Variants in NCOA2 observed in about 807,000 individuals in gnomAD.
NCOA2 encodes class E basic helix-loop-helix protein 75.
NCOA2 carries 21 observed loss-of-function variants against 145.1 expected under a neutral mutation model. The observed-to-expected ratio is 0.14, with a 90% confidence interval of 0.10 to 0.21. The LOEUF (loss-of-function observed/expected upper bound fraction) is 0.21, where lower values mean the gene tolerates loss of function less well. NCOA2 is among the 10% of genes least tolerant of loss of function. The pLI is 1.00. For missense variants in NCOA2, 1,472 were observed against 1,837.6 expected, an observed-to-expected ratio of 0.80 and a Z score of 3.64; for synonymous variants, 619 against 637.5, an observed-to-expected ratio of 0.97 and a Z score of 0.44.
intron 1 of NCOA2, among the ~76,000 whole-genome samples, chr8:70,398,233 G>A (rs1373484019): frequency 1.3e-5 from 2 of 152,280 alleles, no homozygotes; most frequent in Admixed American, 6.5e-5. Context: ...CAAGGGGAGA[G>A]GATCGCCTGA....
At chr8:70,358,163 T>C (rs558621477) in intron 1 of NCOA2, among the ~76,000 whole-genome samples, 28 of 152,326 alleles carry the variant, frequency 1.8e-4, no homozygotes, top group African/African-American at 6.3e-4. Flanking sequence ...GGAGACTTAA[T>C]ACTGTTAAAA....
At chr8:70,320,996 A>C (rs1806006698) in intron 1 of NCOA2, among the ~76,000 whole-genome samples, 1 of 152,210 alleles carries the variant, frequency 6.6e-6, no homozygotes. Context: ...ACTATTTCGC[A>C]GTGACCTGTG....
chr8:70,170,424 C>T (rs1373482204), intron 5 of NCOA2, 45 bp from the exon 6 acceptor site: 28 of 1,432,328 alleles, frequency 2.0e-5, no homozygotes, highest in Non-Finnish European at 2.6e-5. Context: ...TGCAACATAA[C>T]ATCACATGCA....
At chr8:70,343,513 A>G (rs1340454945) in intron 1 of NCOA2, among the ~76,000 whole-genome samples, 3 of 152,056 alleles carry the variant, frequency 2.0e-5, no homozygotes, top group East Asian at 1.9e-4. Flanking sequence ...ATTCAGAGTT[A>G]AGGAAAAGTG....
intron 1 of NCOA2, among the ~76,000 whole-genome samples, chr8:70,310,210 G>A (rs977575164): frequency 1.8e-4 from 28 of 151,544 alleles, no homozygotes; most frequent in African/African-American, 5.1e-4. Context: ...GGTATGGTGC[G>A]GGGGGTGCCT....
At chr8:70,456,361 G>A in the NCOA2 span, among the ~76,000 whole-genome samples, 6 of 152,168 alleles carry the variant, frequency 3.9e-5, no homozygotes, top group African/African-American at 1.4e-4. Flanking sequence ...GTGGAAAGTG[G>A]TCTTGAGATA....
intron 2 of NCOA2, among the ~76,000 whole-genome samples, chr8:70,277,884 T>C (rs1479859741): frequency 6.6e-6 from 1 of 152,130 alleles, no homozygotes; most frequent in East Asian, 1.9e-4. Flanking sequence ...CATATTCATA[T>C]CTTTATAATA....
At chr8:70,261,952 T>G (rs2135070425) in intron 2 of NCOA2, among the ~76,000 whole-genome samples, 1 of 152,220 alleles carries the variant, frequency 6.6e-6, no homozygotes, top group Admixed American at 6.5e-5. Context: ...GCGAATATGA[T>G]GGCCAACCAC....
chr8:70,220,505 G>A (rs1820044063), intron 2 of NCOA2, among the ~76,000 whole-genome samples: 1 of 152,146 alleles, frequency 6.6e-6, no homozygotes, highest in South Asian at 2.1e-4. Context: ...TACATCCCTT[G>A]ATATCAGCTT....
chr8:70,140,484 G>T (rs1314439396), intron 14 of NCOA2, among the ~76,000 whole-genome samples: 1 of 151,618 alleles, frequency 6.6e-6, no homozygotes, highest in Non-Finnish European at 1.5e-5. Context: ...TGAGGGCCTG[G>T]GATAGTCTGA....
chr8:70,369,780 G>A (rs1237718456), intron 1 of NCOA2, among the ~76,000 whole-genome samples: 5 of 152,042 alleles, frequency 3.3e-5, no homozygotes, highest in African/African-American at 1.2e-4. Context: ...GCACATAGTA[G>A]ATTTTTCTGT....
rs1285110364 is a variant in NCOA2, at chr8:70,396,470, T to TTC, written c.-77+7228_-77+7229dup. Among the ~76,000 whole-genome samples, 15 of 152,310 alleles carry TTC rather than the reference T, an allele frequency of 9.8e-5. No individual in the cohort carries two copies. In the East Asian group the frequency reaches 2.9e-3, roughly 29 times the overall value. On this transcript the variant is annotated intron_variant, in intron 1 of 22. Transcript: ENST00000452400. ...GGTAAGAGAGCTAACAAGAACAGGG[T>TTC]TCTACCTCTCAATGCTACAGTAAGA...
chr8:70,259,685 TAG>T (rs1823948763), intron 2 of NCOA2, among the ~76,000 whole-genome samples: 1 of 152,214 alleles, frequency 6.6e-6, no homozygotes, highest in Non-Finnish European at 1.5e-5. Context: ...AAATAGAATT[TAG>T]AGTCTTAGAC....
chr8:70,402,712 GGAGAGAAGGGGGC>G (rs1291181998), intron 1 of NCOA2: 4 of 152,178 alleles, frequency 2.6e-5, no homozygotes, highest in African/African-American at 7.2e-5. Flanking sequence ...CTTCAGGGGC[GGAGAGAAGGGGGC>G]GAGAAAAGGG....
chr8:70,257,890 AAAAG>A (rs1413841313), intron 2 of NCOA2, among the ~76,000 whole-genome samples: 6 of 151,686 alleles, frequency 4.0e-5, no homozygotes, highest in Admixed American at 2.6e-4. Context: ...CAAAAAAAAA[AAAAG>A]AAAGATGAGC....
intron 1 of NCOA2, among the ~76,000 whole-genome samples, chr8:70,354,712 A>C (rs541521028): frequency 2.6e-5 from 4 of 151,890 alleles, no homozygotes; most frequent in African/African-American, 9.6e-5. Flanking sequence ...ACTAATATTA[A>C]GAGTTTAATA....
intron 2 of NCOA2, among the ~76,000 whole-genome samples, chr8:70,286,062 G>T (rs1267848020): frequency 6.6e-6 from 1 of 152,102 alleles, no homozygotes; most frequent in East Asian, 1.9e-4. Flanking sequence ...GCAGAATGTA[G>T]GTATGCAAGA....
chr8:70,404,878 G>GA (rs60303975), upstream of NCOA2, among the ~76,000 whole-genome samples: 158 of 148,032 alleles, frequency 1.1e-3, no homozygotes, highest in Admixed American at 1.7e-3. Flanking sequence ...GTAATTAGTT[G>GA]AAAAAAAAAA....
Position 70,124,034 on chromosome 8 carries a change from G to A in NCOA2, c.4143C>T (p.Thr1381=). 1.9e-6 allele frequency: 3 copies of A among 1,613,920 alleles called. No homozygotes were observed. Among genetic ancestry groups the A allele is most frequent in the Non-Finnish European group, 2.5e-6 (3 of 1,179,846 alleles). Reference sequence around the variant, plus strand: ...TGTTCATGTTGTTACTGTACATGCTGGTGTTTGCTTGCTGCCCAAAGTGTG... The same window carrying A: ...TGTTCATGTTGTTACTGTACATGCTAGTGTTTGCTTGCTGCCCAAAGTGTG... ...SPPHFGQQAN[T]SMYSNNMNIN... The change falls in exon 21 of 23, where the codon ACC becomes ACT. Residue 1381 remains threonine, a synonymous_variant. Coordinates refer to ENST00000452400, the MANE Select transcript of NCOA2 (RefSeq NM_006540.4).
Sources: allele counts gnomAD v4.1 joint callset (sites outside exome capture counted in the v4.1 genomes callset), GRCh38; gene constraint gnomAD v4.1.1; transcripts MANE v1.5; gene names NCBI Gene and HGNC (gene_info 2026-07-23, HGNC 2026-07-21).